LRRC27: variants seen among roughly 807,000 people sequenced by gnomAD.
The protein encoded by LRRC27 is leucine-rich repeat-containing protein 27.
LRRC27 carries 57 observed loss-of-function variants against 55.0 expected under a neutral mutation model. The observed-to-expected ratio is 1.04, with a 90% CI of 0.84 to 1.29. LRRC27 has a LOEUF of 1.29. Ranked by LOEUF, LRRC27 falls within the 50% of genes most tolerant of loss-of-function variation. LRRC27 has a pLI of 0.00. For synonymous variants in LRRC27, 278 were observed against 251.9 expected (o/e 1.10, Z -0.98); for missense variants, 721 against 651.5 (o/e 1.11, Z -1.16).
chr10:132,332,767 C>G (rs1049263766), intron 1 of LRRC27, among the ~76,000 whole-genome samples: 1 of 152,058 alleles, frequency 6.6e-6, no homozygotes, highest in Non-Finnish European at 1.5e-5. Flanking sequence ...AGTTCCCTAA[C>G]TGATCTGCGC....
rs2069357046 is a variant in LRRC27, at chr10:132,377,828, A to G, written c.*2586A>G. 1 of 152,172 alleles carries G rather than the reference A, an allele frequency of 6.6e-6. No homozygotes were observed. The highest frequency in any genetic ancestry group is 1.5e-5 in the Non-Finnish European group (1 of 68,034). 9.4% of individuals were successfully genotyped at this position (152,172 alleles called of 1,614,324 possible). A position where few individuals can be genotyped will look rare whatever the true frequency, so the allele number is the denominator to read the frequency against. Reference sequence around the variant, plus strand: ...GAATTCTAGGTGGATGATTTTTGCCATTCCCAGAACTTTAAAGATGGGCTC... The same window carrying G: ...GAATTCTAGGTGGATGATTTTTGCCGTTCCCAGAACTTTAAAGATGGGCTC... On this transcript the variant is annotated 3_prime_UTR_variant, in exon 11 of 11. Coordinates refer to ENST00000368614, the MANE Select transcript of LRRC27 (RefSeq NM_030626.3).
chr10:132,369,445 G>A (rs569966609), intron 10 of LRRC27, among the ~76,000 whole-genome samples: 5 of 152,322 alleles, frequency 3.3e-5, no homozygotes, highest in South Asian at 2.1e-4. Context: ...GAAATGAGCC[G>A]TCAGCAATGA....
chr10:132,367,752 T>G (rs1275021817), intron 10 of LRRC27, among the ~76,000 whole-genome samples: 1 of 152,254 alleles, frequency 6.6e-6, no homozygotes, highest in African/African-American at 2.4e-5. Flanking sequence ...ACAGCTAACA[T>G]TATTCTTAAT....
Position 132,355,791 on chromosome 10 carries a change from G to A in LRRC27, c.1075G>A (p.Glu359Lys). 6.4e-7 allele frequency: 1 copy of A among 1,551,542 alleles called. No individual in the cohort carries two copies. The highest frequency in any genetic ancestry group is 8.7e-7 in the Non-Finnish European group (1 of 1,146,670). Residue 359 changes from glutamate to lysine, a missense_variant and splice_region_variant, in exon 8 of 11, where the codon GAG becomes AAG. Glu to Lys is a moderately conservative substitution (Grantham distance 56). Transcript: ENST00000368614. ...KQALMEQQRR[E>K]KRALQEWRER... Reference sequence around the variant, plus strand: ...GACATTAACCTTCCCTTTCTCCAGAGAGAAAAGGGCACTGCAGGAGTGGAG... The same window carrying A: ...GACATTAACCTTCCCTTTCTCCAGAAAGAAAAGGGCACTGCAGGAGTGGAG...
chr10:132,339,452 A>G (rs1305721429), intron 3 of LRRC27, among the ~76,000 whole-genome samples: 2 of 152,182 alleles, frequency 1.3e-5, no homozygotes, highest in South Asian at 2.1e-4. Context: ...GTGCATCTCC[A>G]TGGGGCTCCT....
upstream of LRRC27, chr10:132,330,434 G>A: frequency 1.4e-6 from 1 of 717,280 alleles, no homozygotes; most frequent in Non-Finnish European, 2.6e-6. Flanking sequence ...CTCTGCCCGG[G>A]TGGCTGGCCT....
Position 132,348,388 on chromosome 10 carries a change from G to T in LRRC27, c.926+32G>T. The T allele has an allele frequency of 6.3e-7, 1 of 1,591,144 alleles. No individual in the cohort carries two copies. The highest frequency in any genetic ancestry group is 8.6e-7 in the Non-Finnish European group (1 of 1,169,028). On this transcript the variant is annotated intron_variant, in intron 6 of 10. Transcript: ENST00000368614. The surrounding 1 kb of genome is among the most constrained non-coding windows in gnomAD (Gnocchi z 4.2). ...CTGAAAAGCAACGGGGGATTTTCTT[G>T]ATCTTTGCGAATTTATACAGTTATT...
chr10:132,364,556 CACTT>C (rs548166878), intron 9 of LRRC27, among the ~76,000 whole-genome samples: 1 of 89,702 alleles, frequency 1.1e-5, no homozygotes, highest in East Asian at 3.2e-4. Context: ...TCCACACCCA[CACTT>C]ACACCCACGT....
chr10:132,368,654 C>G (rs867499843), intron 10 of LRRC27, among the ~76,000 whole-genome samples: 1 of 151,802 alleles, frequency 6.6e-6, no homozygotes, highest in South Asian at 2.1e-4. Flanking sequence ...AAAATTAATT[C>G]AAAATGGATC....
At chr10:132,337,263 C>T (rs1464052502) in intron 2 of LRRC27, 6 of 1,199,312 alleles carry the variant, frequency 5.0e-6, no homozygotes, top group Non-Finnish European at 6.2e-6. Flanking sequence ...CCCCGGAATT[C>T]AGACCATGTC....
rs116652512 is a variant in LRRC27, at chr10:132,376,629, T to G, written c.*1387T>G. The stretch of plus-strand genomic sequence containing the variant: ...GCTTCCAAGGTGCTCACCTGGTTGT[T>G]GATCAGAGAGCGTGTCCGTTGTGAT... On this transcript the variant is annotated 3_prime_UTR_variant, in exon 11 of 11. Transcript: ENST00000368614. The G allele has an allele frequency of 6.6e-6, 1 of 152,356 alleles. No homozygotes were observed. The highest frequency in any genetic ancestry group is 1.5e-5 in the Non-Finnish European group (1 of 68,076). The allele number at this position is 152,356 out of a possible 1,614,324, so 9.4% of individuals were successfully genotyped here. A position where few individuals can be genotyped will look rare whatever the true frequency, so the allele number is the denominator to read the frequency against.
chr10:132,334,727 G>A (rs1172917211), intron 2 of LRRC27, among the ~76,000 whole-genome samples: 1 of 152,184 alleles, frequency 6.6e-6, no homozygotes, highest in African/African-American at 2.4e-5. Flanking sequence ...CCTGGCTCCT[G>A]TTACACAGGT....
upstream of LRRC27, chr10:132,331,680 T>C (rs1246434847): frequency 1.2e-6 from 2 of 1,612,776 alleles, no homozygotes; most frequent in East Asian, 4.5e-5. Flanking sequence ...TGCTCGGCTG[T>C]CCTCGAGCAG....
At chr10:132,373,999 G>A (rs1220007852) in intron 10 of LRRC27, among the ~76,000 whole-genome samples, 3 of 152,208 alleles carry the variant, frequency 2.0e-5, no homozygotes, top group South Asian at 2.1e-4. Context: ...CCAAGTCGCA[G>A]AGCTGAGCCG....
rs2069245259 is a variant in LRRC27 at position 132,372,630 on chromosome 10, A to C, written c.1417-2436A>C. 6.6e-6 allele frequency among the ~76,000 whole-genome samples: 1 copy of C among 151,972 alleles called. No homozygotes were observed. Among genetic ancestry groups the C allele is most frequent in the African/African-American group, 2.4e-5 (1 of 41,350 alleles). ...GCCAGGGCCCTGGGTCTGCTTCCCT[A>C]CTCTGCCCAGCCCACTGACTCCTCC... On this transcript the variant is annotated intron_variant, in intron 10 of 10. Transcript: ENST00000368614. This position sits in a 1 kb window ranked among gnomAD's most constrained non-coding sequence, Gnocchi z 4.0.
In LRRC27 at chr10:132,374,126, C is replaced by A. The variant is rs1051435481; in HGVS notation, c.1417-940C>A. Among the ~76,000 whole-genome samples, 1 of 122,730 alleles carries A rather than the reference C, an allele frequency of 8.1e-6. No homozygotes were observed. The highest frequency in any genetic ancestry group is 4.0e-5 in the African/African-American group (1 of 25,138). The allele number at this position is 122,730 out of a possible 152,430, so 80.5% of individuals were successfully genotyped here. A position where few individuals can be genotyped will look rare whatever the true frequency, so the allele number is the denominator to read the frequency against. ...GGGGTGCAGTGGCTCCAGGGACCTG[C>A]TGTGATTATGGCTGCATGGTGAGGG... On this transcript the variant is annotated intron_variant, in intron 10 of 10. Coordinates refer to ENST00000368614, the MANE Select transcript of LRRC27 (RefSeq NM_030626.3). The surrounding 1 kb of genome is among the most constrained non-coding windows in gnomAD (Gnocchi z 4.4).
chr10:132,373,516 A>T (rs964887930), intron 10 of LRRC27, among the ~76,000 whole-genome samples: 1 of 152,200 alleles, frequency 6.6e-6, no homozygotes, highest in South Asian at 2.1e-4. Flanking sequence ...GGTCGCGGTG[A>T]TGGCACTGCC....
intron 2 of LRRC27, among the ~76,000 whole-genome samples, chr10:132,335,751 C>T (rs1328519430): frequency 6.6e-6 from 1 of 152,192 alleles, no homozygotes; most frequent in Non-Finnish European, 1.5e-5. Context: ...GGTTGTCCTG[C>T]TTTATTTTGT....
rs2069401767 is a variant in LRRC27 at position 132,380,806 on chromosome 10, G to A, written c.*5564G>A. Among the ~76,000 whole-genome samples the A allele has an allele frequency of 1.3e-5, 2 of 152,230 alleles. No individual in the cohort carries two copies. Among genetic ancestry groups the A allele is most frequent in the Non-Finnish European group, 2.9e-5 (2 of 68,034 alleles). ...GCAGAGAAAAGTCATGACATTTCAAGAAAAAGTTGAATTTCTTGATATGTT... is the reference window on the plus strand; with the variant it reads ...GCAGAGAAAAGTCATGACATTTCAAAAAAAAGTTGAATTTCTTGATATGTT... On this transcript the variant is annotated 3_prime_UTR_variant, in exon 11 of 11. Transcript: ENST00000368614.
Sources: allele counts gnomAD v4.1 joint callset (sites outside exome capture counted in the v4.1 genomes callset), GRCh38; gene constraint gnomAD v4.1.1; non-coding constraint Gnocchi (gnomAD v3.1); transcripts MANE v1.5; gene names NCBI Gene and HGNC (gene_info 2026-07-23, HGNC 2026-07-21).